DLGAP1: variants seen among roughly 807,000 people sequenced by gnomAD.
DLGAP1 encodes the protein disks large-associated protein 1.
DLGAP1 carries 11 observed loss-of-function variants against 90.8 expected under a neutral mutation model. The observed-to-expected ratio is 0.12, with a 90% CI of 0.08 to 0.20. DLGAP1 has a LOEUF of 0.20. Among genes scored for constraint, DLGAP1 ranks in the 10% least tolerant of loss-of-function variants. DLGAP1 has a pLI of 1.00. For missense variants in DLGAP1, 1,050 were observed against 1,333.8 expected, an observed-to-expected ratio of 0.79 and a Z score of 3.31; for synonymous variants, 558 against 540.7, an observed-to-expected ratio of 1.03 and a Z score of -0.44.
chr18:4,424,137 C>T (rs1472079101), intron 1 of DLGAP1, among the ~76,000 whole-genome samples: 4 of 151,914 alleles, frequency 2.6e-5, no homozygotes, highest in Non-Finnish European at 2.9e-5. Context: ...GGCAACAGAG[C>T]GAGACTCCAT....
chr18:3,882,513 T>C (rs1454514374), intron 3 of DLGAP1, among the ~76,000 whole-genome samples: 4 of 138,064 alleles, frequency 2.9e-5, no homozygotes, highest in Admixed American at 1.5e-4. Flanking sequence ...GGTGACAGAA[T>C]GAGACCCTGT....
chr18:4,140,827 T>C (rs1027333467), intron 2 of DLGAP1, among the ~76,000 whole-genome samples: 1 of 152,026 alleles, frequency 6.6e-6, no homozygotes, highest in Non-Finnish European at 1.5e-5. Context: ...TAAAAATATT[T>C]TTCCTTCAGC....
chr18:4,310,273 CCTT>C (rs2080365730), intron 1 of DLGAP1, among the ~76,000 whole-genome samples: 1 of 152,036 alleles, frequency 6.6e-6, no homozygotes, highest in South Asian at 2.1e-4. Context: ...CACATTTTCT[CCTT>C]TTTTTGTTGT....
At chr18:3,809,889 T>C (rs2066748112) in intron 5 of DLGAP1, among the ~76,000 whole-genome samples, 1 of 152,204 alleles carries the variant, frequency 6.6e-6, no homozygotes, top group Non-Finnish European at 1.5e-5. Context: ...CTAGAATAAA[T>C]GGCACTCCAA....
At chr18:3,885,272 C>T (rs2071278812) in intron 3 of DLGAP1, 2 of 152,236 alleles carry the variant, frequency 1.3e-5, no homozygotes, top group Admixed American at 6.5e-5. Flanking sequence ...ATGGGTACCA[C>T]TTGCTGCCAC....
At chr18:3,863,003 C>G (rs2070175980) in intron 4 of DLGAP1, among the ~76,000 whole-genome samples, 1 of 152,210 alleles carries the variant, frequency 6.6e-6, no homozygotes, top group Non-Finnish European at 1.5e-5. Flanking sequence ...CCCCAATCTA[C>G]TAGAAGTCAA....
rs988289710 is a variant in DLGAP1, at chr18:4,319,790, T to C, written c.-267+135216A>G. ...GCTTAGGCAATAGTCACTGAAAGTT[T>C]CTAAACAGGAAAATCACATTTGAAT... On this transcript the variant is annotated intron_variant, in intron 1 of 12. Transcript: ENST00000315677. 3.3e-5 allele frequency among the ~76,000 whole-genome samples: 5 copies of C among 152,200 alleles called. No homozygotes were observed. The East Asian group carries it at 7.7e-4, about 23-fold the overall frequency.
chr18:3,721,378 G>C (rs1239637985), intron 7 of DLGAP1: 1 of 152,120 alleles, frequency 6.6e-6, no homozygotes, highest in African/African-American at 2.4e-5. Context: ...ACAACACCAT[G>C]ACTAGATCAG....
chr18:3,612,524 C>T (rs1353711196), intron 7 of DLGAP1, among the ~76,000 whole-genome samples: 1 of 152,174 alleles, frequency 6.6e-6, no homozygotes, highest in East Asian at 1.9e-4. Flanking sequence ...CAGATGATGC[C>T]ATCCCGTATC....
intron 1 of DLGAP1, among the ~76,000 whole-genome samples, chr18:4,237,996 C>T (rs995339042): frequency 1.3e-5 from 2 of 152,092 alleles, no homozygotes; most frequent in African/African-American, 2.4e-5. Context: ...GGTATAGCAT[C>T]CTGGTTGAGC....
chr18:4,425,136 A>C (rs2083124395), intron 1 of DLGAP1, among the ~76,000 whole-genome samples: 1 of 152,068 alleles, frequency 6.6e-6, no homozygotes, highest in African/African-American at 2.4e-5. Flanking sequence ...TGAAGCTCAA[A>C]ATCTAGAAAA....
intron 7 of DLGAP1, among the ~76,000 whole-genome samples, chr18:3,609,452 T>C (rs2145872145): frequency 6.6e-6 from 1 of 152,328 alleles, no homozygotes. Context: ...GTCTTAGCCA[T>C]GAACCTAGCG....
intron 5 of DLGAP1, among the ~76,000 whole-genome samples, chr18:3,796,617 T>G (rs576835293): frequency 9.5e-4 from 145 of 152,232 alleles, no homozygotes; most frequent in African/African-American, 3.4e-3. Flanking sequence ...TAAGGTGAGC[T>G]CGATCCACGA....
At chr18:3,740,230 T>C (rs2062841680) in intron 6 of DLGAP1, among the ~76,000 whole-genome samples, 5 of 152,200 alleles carry the variant, frequency 3.3e-5, no homozygotes, top group South Asian at 4.1e-4. Context: ...CTTTAGGCCA[T>C]GCAGAATAAA....
rs371643748 is a variant in DLGAP1, at chr18:4,208,585, T to G, written c.-266-57298A>C. ...ACAATGAGAGTGGGAAGATGCTGACTGTAGTTTGGGAGTTTCGCAATAGGG... is the reference window on the plus strand; with the variant it reads ...ACAATGAGAGTGGGAAGATGCTGACGGTAGTTTGGGAGTTTCGCAATAGGG... On this transcript the variant is annotated intron_variant, in intron 1 of 12. Coordinates refer to ENST00000315677, the MANE Select transcript of DLGAP1 (RefSeq NM_004746.4). Among the ~76,000 whole-genome samples the G allele has an allele frequency of 2.2e-4, 34 of 152,318 alleles. No individual in the cohort carries two copies. The East Asian group carries it at 6.6e-3, about 29-fold the overall frequency.
Position 3,499,191 on chromosome 18 carries a change from C to T in DLGAP1, c.2928G>A (p.Arg976=). The T allele has an allele frequency of 6.3e-7, 1 of 1,578,480 alleles. No homozygotes were observed. The highest frequency in any genetic ancestry group is 8.6e-7 in the Non-Finnish European group (1 of 1,167,890). Residue 976 remains arginine, a synonymous_variant, in exon 13 of 13, where the codon CGG becomes CGA. Coordinates refer to ENST00000315677, the MANE Select transcript of DLGAP1 (RefSeq NM_004746.4). The surrounding 1 kb of genome is among the most constrained non-coding windows in gnomAD (Gnocchi z 6.4). Reference sequence around the variant, plus strand: ...CGGCCGGGCTGCGGGGCGCTCAGAGCCGGGTCTGCGCCTCGGGGATGTAGA... The same window carrying T: ...CGGCCGGGCTGCGGGGCGCTCAGAGTCGGGTCTGCGCCTCGGGGATGTAGA... ...IEIYIPEAQT[R]L is the part of the protein sequence containing the mutation.
At chr18:3,562,043 A>C (rs893893834) in intron 9 of DLGAP1, among the ~76,000 whole-genome samples, 1 of 147,028 alleles carries the variant, frequency 6.8e-6, no homozygotes, top group Non-Finnish European at 1.5e-5. Flanking sequence ...CCTGGCCAAC[A>C]TGGTGAAACC....
At chr18:4,002,694 G>A (rs183706977) in intron 3 of DLGAP1, among the ~76,000 whole-genome samples, 4 of 152,260 alleles carry the variant, frequency 2.6e-5, no homozygotes, top group Non-Finnish European at 5.9e-5. Flanking sequence ...TTTCTGGAGA[G>A]TCAAAAATTA....
intron 1 of DLGAP1, among the ~76,000 whole-genome samples, chr18:4,323,674 C>T (rs1170435489): frequency 6.6e-6 from 1 of 152,086 alleles, no homozygotes; most frequent in African/African-American, 2.4e-5. Context: ...ACCAACCACA[C>T]TTTCGGACCA....
Sources: allele counts gnomAD v4.1 joint callset (sites outside exome capture counted in the v4.1 genomes callset), GRCh38; gene constraint gnomAD v4.1.1; non-coding constraint Gnocchi (gnomAD v3.1); transcripts MANE v1.5; gene names NCBI Gene and HGNC (gene_info 2026-07-23, HGNC 2026-07-21).